The following TNFSF4 variants were observed in gnomAD, a reference collection of about 807,000 sequenced individuals.
TNFSF4 encodes the protein tumor necrosis factor ligand superfamily member 4.
In TNFSF4, 4 loss-of-function variants were observed where a neutral mutation model predicts 7.3. The observed-to-expected ratio is 0.55, with a 90% CI of 0.27 to 1.25. The LOEUF is 1.25. TNFSF4 is among the 50% of genes most tolerant of loss of function. The pLI is 0.12. For missense variants in TNFSF4, 181 were observed against 208.8 expected, an observed-to-expected ratio of 0.87 and a Z score of 0.82; for synonymous variants, 76 against 83.7, an observed-to-expected ratio of 0.91 and a Z score of 0.50.
the TNFSF4 span, among the ~76,000 whole-genome samples, chr1:173,257,260 C>T: frequency 6.6e-6 from 1 of 152,188 alleles, no homozygotes; most frequent in African/African-American, 2.4e-5. Context: ...TTATTAACTC[C>T]CATTCACAGC....
At chr1:173,363,393 C>A in the TNFSF4 span, 1 of 336,152 alleles carries the variant, frequency 3.0e-6, no homozygotes, top group Non-Finnish European at 6.0e-6. Context: ...ATTCTTCATT[C>A]TTTGAATTCT....
At chr1:173,368,938 G>A in the TNFSF4 span, among the ~76,000 whole-genome samples, 3 of 152,128 alleles carry the variant, frequency 2.0e-5, no homozygotes, top group African/African-American at 7.2e-5. Flanking sequence ...ATAAATTTCA[G>A]GACTCTGTTC....
the TNFSF4 span, among the ~76,000 whole-genome samples, chr1:173,436,768 A>G: frequency 6.6e-6 from 1 of 152,098 alleles, no homozygotes; most frequent in Non-Finnish European, 1.5e-5. Context: ...TCAGGCATGG[A>G]GTTGCAAATA....
the TNFSF4 span, among the ~76,000 whole-genome samples, chr1:173,436,805 G>A: frequency 7.2e-5 from 11 of 152,146 alleles, no homozygotes; most frequent in Admixed American, 6.5e-4. Flanking sequence ...AATGGGGAGC[G>A]CTGAAATGTC....
chr1:173,177,820 A>C, the TNFSF4 span, among the ~76,000 whole-genome samples: 1 of 152,212 alleles, frequency 6.6e-6, no homozygotes, highest in South Asian at 2.1e-4. Context: ...AATAGAAAGT[A>C]ATAAGTGCCA....
At chr1:173,399,609 C>CAA in the TNFSF4 span, among the ~76,000 whole-genome samples, 1 of 131,032 alleles carries the variant, frequency 7.6e-6, no homozygotes, top group Non-Finnish European at 1.7e-5. Flanking sequence ...TCTGTATGGA[C>CAA]AAAAAAAAAA....
At chr1:173,359,533 A>C in the TNFSF4 span, among the ~76,000 whole-genome samples, 1 of 105,598 alleles carries the variant, frequency 9.5e-6, no homozygotes, top group South Asian at 3.2e-4. Context: ...AAAAAAAAAA[A>C]AAAAAAAACT....
the TNFSF4 span, among the ~76,000 whole-genome samples, chr1:173,218,391 A>T: frequency 1.2e-4 from 19 of 152,240 alleles, no homozygotes; most frequent in Non-Finnish European, 2.2e-4. Context: ...CTCAGCACCC[A>T]AGAGCTCAGT....
At chr1:173,176,443 T>C in the TNFSF4 span, among the ~76,000 whole-genome samples, 2 of 152,148 alleles carry the variant, frequency 1.3e-5, no homozygotes, top group Admixed American at 6.5e-5. Flanking sequence ...CGAGTCAGAA[T>C]GGCTAGTATT....
At chr1:173,358,895 T>C in the TNFSF4 span, among the ~76,000 whole-genome samples, 1 of 152,220 alleles carries the variant, frequency 6.6e-6, no homozygotes, top group Non-Finnish European at 1.5e-5. Flanking sequence ...AGGTCTTACT[T>C]TTGATGGATA....
chr1:173,202,070 TACACACACACATACAC>T (rs1649968599), intron 1 of TNFSF4, among the ~76,000 whole-genome samples: 1 of 149,532 alleles, frequency 6.7e-6, no homozygotes, highest in African/African-American at 2.5e-5. Flanking sequence ...TATATATATA[TACACACACACATACAC>T]ATATATATAA....
At chr1:173,247,528 T>C in the TNFSF4 span, among the ~76,000 whole-genome samples, 1 of 152,184 alleles carries the variant, frequency 6.6e-6, no homozygotes, top group East Asian at 1.9e-4. Flanking sequence ...CCTCAGCCAG[T>C]TGAAAATAGT....
the TNFSF4 span, among the ~76,000 whole-genome samples, chr1:173,344,295 C>CA: frequency 1.3e-5 from 2 of 152,182 alleles, no homozygotes; most frequent in South Asian, 4.1e-4. Context: ...TTGAAGTTGG[C>CA]AGTATGGCAT....
the TNFSF4 span, among the ~76,000 whole-genome samples, chr1:173,231,372 A>G: frequency 1.3e-5 from 2 of 152,230 alleles, no homozygotes; most frequent in Non-Finnish European, 2.9e-5. Context: ...AGATGCAGAA[A>G]AGGCCTTTGA....
chr1:173,334,553 G>A, the TNFSF4 span, among the ~76,000 whole-genome samples: 1 of 152,144 alleles, frequency 6.6e-6, no homozygotes, highest in African/African-American at 2.4e-5. Context: ...CCTGCAACTG[G>A]CTGAATTACA....
the TNFSF4 span, among the ~76,000 whole-genome samples, chr1:173,324,389 G>A: frequency 6.6e-6 from 1 of 152,166 alleles, no homozygotes; most frequent in Non-Finnish European, 1.5e-5. Flanking sequence ...GGAACAACCA[G>A]TACCAGCCAC....
chr1:173,310,171 CTTCT>C, the TNFSF4 span, among the ~76,000 whole-genome samples: 1 of 151,636 alleles, frequency 6.6e-6, no homozygotes, highest in Middle Eastern at 3.4e-3. Flanking sequence ...TTATTGTTTT[CTTCT>C]TTCTACTTTC....
At chr1:173,415,258 A>G in the TNFSF4 span, among the ~76,000 whole-genome samples, 1 of 152,204 alleles carries the variant, frequency 6.6e-6, no homozygotes, top group Non-Finnish European at 1.5e-5. Context: ...TTCTCCTTAC[A>G]TATCTCCCCA....
chr1:173,380,701 C>A, the TNFSF4 span, among the ~76,000 whole-genome samples: 15 of 152,148 alleles, frequency 9.9e-5, no homozygotes, highest in African/African-American at 2.9e-4. Flanking sequence ...AGATACAGAA[C>A]AATTTTTTCT....
Sources: gnomAD v4.1 joint callset for allele counts (sites outside exome capture counted in the v4.1 genomes callset) on GRCh38, gnomAD v4.1.1 for gene constraint, MANE v1.5 for transcripts, NCBI Gene and HGNC (gene_info 2026-07-23, HGNC 2026-07-21) for gene names.